Variants in NAPA observed in about 807,000 individuals in gnomAD.
NAPA encodes the protein NSF attachment protein alpha.
Under a neutral mutation model 48.0 loss-of-function variants are expected in NAPA, and 18 were observed. That is an observed-to-expected ratio of 0.38 (90% confidence interval 0.26 to 0.56). NAPA has a LOEUF of 0.56. Among genes scored for constraint, NAPA ranks in the 20% least tolerant of loss-of-function variants. NAPA has a pLI of 0.77. For missense variants in NAPA, 315 were observed against 385.0 expected (o/e 0.82, Z 1.52); for synonymous variants, 152 against 149.9 (o/e 1.01, Z -0.10).
In NAPA at chr19:47,489,478, G is replaced by A. The variant is rs745717428; in HGVS notation, c.786+233C>T. ...GCTCTGTCCCTGAGGGGCCAAGGCC[G>A]AGCCTCCTGACCTCCCCAACCTCAG... On this transcript the variant is annotated intron_variant, in intron 10 of 10. Transcript: ENST00000263354. 5.1e-4 allele frequency: 295 copies of A among 581,854 alleles called. 1 individual carries two copies. The highest frequency in any genetic ancestry group is 1.3e-4 in the Non-Finnish European group (42 of 326,912). The allele number at this position is 581,854 out of a possible 1,614,324, so 36.0% of individuals were successfully genotyped here.
chr19:47,511,959 C>T (rs1479647376), intron 1 of NAPA, among the ~76,000 whole-genome samples: 3 of 152,162 alleles, frequency 2.0e-5, no homozygotes, highest in African/African-American at 4.8e-5. Flanking sequence ...TTAGCCTCCT[C>T]GGAGATCTTC....
intron 1 of NAPA, among the ~76,000 whole-genome samples, chr19:47,512,365 G>A (rs921200960): frequency 5.3e-5 from 8 of 152,128 alleles, no homozygotes; most frequent in African/African-American, 1.7e-4. Context: ...CCTGGTTCAC[G>A]CTGCTTCCTC....
At chr19:47,499,367 T>C (rs1968514216) in intron 3 of NAPA, among the ~76,000 whole-genome samples, 1 of 152,200 alleles carries the variant, frequency 6.6e-6, no homozygotes, top group Non-Finnish European at 1.5e-5. Context: ...GCCAACCAGT[T>C]TCCCAGGGAG....
intron 1 of NAPA, among the ~76,000 whole-genome samples, chr19:47,504,154 G>A (rs1259565382): frequency 6.6e-6 from 1 of 152,062 alleles, no homozygotes; most frequent in Non-Finnish European, 1.5e-5. Context: ...AACACTTTGG[G>A]AGGCCAAGGT....
intron 1 of NAPA, among the ~76,000 whole-genome samples, chr19:47,513,148 A>G (rs1451359527): frequency 6.6e-6 from 1 of 151,246 alleles, no homozygotes; most frequent in Non-Finnish European, 1.5e-5. Flanking sequence ...CCCCTGCCAA[A>G]CTCCCTTCTC....
At chr19:47,491,925 C>T in intron 8 of NAPA, 90 bp downstream of exon 8, 1 of 1,143,250 alleles carries the variant, frequency 8.7e-7, no homozygotes, top group Non-Finnish European at 1.3e-6. Context: ...GAGGGAGGAG[C>T]ACGTCCCTCT....
chr19:47,488,491 C>T, intron 10 of NAPA, 102 bp from the exon 11 acceptor site: 4 of 875,776 alleles, frequency 4.6e-6, no homozygotes, highest in Non-Finnish European at 7.1e-6. Context: ...TCTCTGTCAC[C>T]CCTGGTCTCT....
At chr19:47,490,761 G>T (rs377330182) in intron 9 of NAPA, 27 bp downstream of exon 9, 218 of 1,609,634 alleles carry the variant, frequency 1.4e-4, no homozygotes, top group Admixed American at 2.0e-4. Context: ...GTTCGGGAAG[G>T]GGGAGGCCGG....
At position 47,514,968 on chromosome 19, in the gene NAPA, G is replaced by GCCTGAC; in HGVS notation, c.-34_-29dup. On this transcript the variant is annotated 5_prime_UTR_variant, in exon 1 of 11. Transcript: ENST00000263354. The stretch of plus-strand genomic sequence containing the variant: ...CGGCCACAAAGGGACTCAGCAAAGC[G>GCCTGAC]CCTGACCCTGACCCTGGGAAGACTC... The GCCTGAC allele has an allele frequency of 3.1e-6, 5 of 1,607,082 alleles. No individual in the cohort carries two copies. The highest frequency in any genetic ancestry group is 2.2e-5 in the East Asian group (1 of 44,736).
In NAPA at chr19:47,504,417, A is replaced by G. The variant is rs1444674208; in HGVS notation, c.99-915T>C. Among the ~76,000 whole-genome samples the G allele has an allele frequency of 3.3e-5, 5 of 151,572 alleles. No homozygotes were observed. In the East Asian group the frequency reaches 9.7e-4, roughly 29 times the overall value. ...TGTCTCAAAAAAAAAAAAAAAAAAA[A>G]AAAGAGAAAGAGAGTGAAAATAATA... On this transcript the variant is annotated intron_variant, in intron 1 of 10. Transcript: ENST00000263354.
chr19:47,510,436 T>C (rs574617957), intron 1 of NAPA, among the ~76,000 whole-genome samples: 1 of 152,312 alleles, frequency 6.6e-6, no homozygotes, highest in South Asian at 2.1e-4. Flanking sequence ...CTAATAAAGA[T>C]GACAGTGAGC....
rs528741132 is a variant in NAPA, at chr19:47,492,838, C to T, written c.561+123G>A. On this transcript the variant is annotated intron_variant, in intron 7 of 10. Coordinates refer to ENST00000263354, the MANE Select transcript of NAPA (RefSeq NM_003827.4). ...GGGGGGATGACATGGCAAGGGATGT[C>T]GGGGGAGAGGCAGAGGGTGAGCCGG... 7.4e-5 allele frequency: 60 copies of T among 808,342 alleles called. No individual in the cohort carries two copies. In the African/African-American group the frequency reaches 8.2e-4, roughly 11 times the overall value. 50.1% of individuals were successfully genotyped at this position (808,342 alleles called of 1,614,324 possible).
At chr19:47,507,243 C>A (rs987560503) in intron 1 of NAPA, among the ~76,000 whole-genome samples, 1 of 152,204 alleles carries the variant, frequency 6.6e-6, no homozygotes, top group Admixed American at 6.5e-5. Context: ...GCTCTCTCCC[C>A]CTCCAAGGCG....
downstream of NAPA, chr19:47,487,606 G>A (rs1002847323): frequency 1.3e-5 from 2 of 152,394 alleles, no homozygotes; most frequent in Non-Finnish European, 2.9e-5. Context: ...CAGGGGCAGA[G>A]TGGGTAGCAG....
chr19:47,501,924 T>C (rs965972992), intron 2 of NAPA, among the ~76,000 whole-genome samples: 1 of 152,146 alleles, frequency 6.6e-6, no homozygotes, highest in Non-Finnish European at 1.5e-5. Context: ...TATGATTTCA[T>C]TATTTTCAAG....
At chr19:47,508,340 C>G (rs1599918031) in intron 1 of NAPA, among the ~76,000 whole-genome samples, 1 of 152,354 alleles carries the variant, frequency 6.6e-6, no homozygotes, top group South Asian at 2.1e-4. Flanking sequence ...CCACCAGTAT[C>G]ACCTGGAAGC....
chr19:47,497,219 G>A (rs1968451300), intron 3 of NAPA: 1 of 179,042 alleles, frequency 5.6e-6, no homozygotes, highest in South Asian at 9.9e-5. Flanking sequence ...TCACTCTCCT[G>A]GCCGGAACAC....
At chr19:47,491,370 GGTGT>G (rs911829282) in intron 8 of NAPA, 1 of 158,150 alleles carries the variant, frequency 6.3e-6, no homozygotes, top group Non-Finnish European at 1.4e-5. Flanking sequence ...GGCTCTGTGG[GGTGT>G]GTGTGTGTGG....
chr19:47,495,415 C>T, intron 4 of NAPA, 135 bp downstream of exon 4: 2 of 994,122 alleles, frequency 2.0e-6, no homozygotes, highest in East Asian at 2.4e-5. Context: ...CCTAATCCCC[C>T]CAGCTCCCAC....
Sources: allele counts gnomAD v4.1 joint callset (sites outside exome capture counted in the v4.1 genomes callset), GRCh38; gene constraint gnomAD v4.1.1; transcripts MANE v1.5; gene names NCBI Gene and HGNC (gene_info 2026-07-23, HGNC 2026-07-21).